Variants in AVEN observed in about 807,000 individuals in gnomAD.
AVEN encodes cell death regulator Aven.
AVEN carries 41 observed loss-of-function variants against 38.1 expected under a neutral mutation model. The ratio of observed to expected loss-of-function variants is 1.08; its 90% CI spans 0.84 to 1.40. The LOEUF (loss-of-function observed/expected upper bound fraction) is 1.40. Ranked by LOEUF, AVEN falls within the 40% of genes most tolerant of loss-of-function variation. The pLI is 0.00. For synonymous variants in AVEN, 206 were observed against 171.8 expected (o/e 1.20, Z -1.56); for missense variants, 605 against 438.8 (o/e 1.38, Z -3.38).
At chr15:33,998,693 A>C (rs1159028714) in intron 2 of AVEN, among the ~76,000 whole-genome samples, 1 of 152,176 alleles carries the variant, frequency 6.6e-6, no homozygotes, top group Non-Finnish European at 1.5e-5. Flanking sequence ...TTTAACAGTC[A>C]ATTCTTCATT....
At chr15:33,940,756 G>A (rs1894285931) in intron 2 of AVEN, among the ~76,000 whole-genome samples, 1 of 152,060 alleles carries the variant, frequency 6.6e-6, no homozygotes, top group Non-Finnish European at 1.5e-5. Flanking sequence ...TGGCCAGGCT[G>A]GTCTCAAACT....
At chr15:34,033,235 G>A (rs1055496375) in intron 1 of AVEN, among the ~76,000 whole-genome samples, 18 of 152,260 alleles carry the variant, frequency 1.2e-4, no homozygotes, top group Middle Eastern at 3.4e-3. Context: ...GCTGGGCGCG[G>A]TGGCTCATGT....
chr15:33,898,940 A>C (rs1490090985), intron 2 of AVEN, among the ~76,000 whole-genome samples: 1 of 152,216 alleles, frequency 6.6e-6, no homozygotes, highest in African/African-American at 2.4e-5. Context: ...ATAAAGGAGA[A>C]GAGTAGGACA....
intron 2 of AVEN, among the ~76,000 whole-genome samples, chr15:33,933,524 C>CACAG (rs1893945145): frequency 2.1e-5 from 1 of 46,648 alleles, no homozygotes; most frequent in Non-Finnish European, 4.5e-5. Context: ...CACACACACA[C>CACAG]AGAGAGAGAG....
intron 2 of AVEN, among the ~76,000 whole-genome samples, chr15:33,909,336 A>T (rs1329198684): frequency 1.3e-5 from 2 of 152,222 alleles, no homozygotes; most frequent in East Asian, 3.8e-4. Flanking sequence ...AAAAACAAAC[A>T]AACAAAAAAA....
intron 2 of AVEN, among the ~76,000 whole-genome samples, chr15:33,892,811 G>C (rs1204568254): frequency 6.6e-6 from 1 of 152,132 alleles, no homozygotes; most frequent in East Asian, 1.9e-4. Flanking sequence ...AATTACCTTG[G>C]GCAGTATGGC....
At chr15:33,865,320 C>CT, downstream of AVEN, 2 of 841,478 alleles carry the variant, frequency 2.4e-6, no homozygotes, top group South Asian at 1.8e-5. Flanking sequence ...TGAAATGTGA[C>CT]ATTTTCTAAA....
chr15:34,009,302 T>TCAAATCCACATGAAAAAAA (rs1157685751), intron 1 of AVEN, among the ~76,000 whole-genome samples: 1 of 152,164 alleles, frequency 6.6e-6, no homozygotes, highest in Non-Finnish European at 1.5e-5. Flanking sequence ...AAACAGCAAT[T>TCAAATCCACATGAAAAAAA]CAAATCCACA....
downstream of AVEN, chr15:33,861,312 T>C (rs533462120): frequency 1.1e-4 from 65 of 596,920 alleles, no homozygotes; most frequent in Admixed American, 1.4e-3. Flanking sequence ...GCCTGTACCT[T>C]TGTCCATAGA....
At chr15:33,865,905 T>TTTTTAGTAACAGCTGTCAGTCAAC (rs1334472225), downstream of AVEN, 4 of 152,720 alleles carry the variant, frequency 2.6e-5, no homozygotes, top group Admixed American at 6.5e-5. Context: ...CATACAAGTT[T>TTTTTAGTAACAGCTGTCAGTCAAC]TTTTAGTAAC....
chr15:33,911,837 C>CT (rs1892929672), intron 2 of AVEN, among the ~76,000 whole-genome samples: 1 of 152,208 alleles, frequency 6.6e-6, no homozygotes, highest in South Asian at 2.1e-4. Flanking sequence ...ATGACTTATA[C>CT]CGTTCCTTTG....
intron 2 of AVEN, among the ~76,000 whole-genome samples, chr15:33,978,471 C>G (rs1230009574): frequency 3.3e-5 from 5 of 152,122 alleles, no homozygotes; most frequent in Non-Finnish European, 7.4e-5. Flanking sequence ...CAAAACCAGC[C>G]TGATCAACAT....
At chr15:34,067,770 C>CAAAA (rs1402598538) in intron 2 of AVEN, among the ~76,000 whole-genome samples, 1 of 152,080 alleles carries the variant, frequency 6.6e-6, no homozygotes, top group Non-Finnish European at 1.5e-5. Flanking sequence ...GGAGACTGCA[C>CAAAA]AAAAAGGGGC....
chr15:34,009,295 C>G (rs764381557), intron 1 of AVEN, among the ~76,000 whole-genome samples: 5 of 152,106 alleles, frequency 3.3e-5, no homozygotes, highest in Non-Finnish European at 7.4e-5. Flanking sequence ...TGGTCCTAAA[C>G]AGCAATTCAA....
At chr15:34,043,079 C>T (rs1367721676), upstream of AVEN, among the ~76,000 whole-genome samples, 1 of 151,952 alleles carries the variant, frequency 6.6e-6, no homozygotes, top group Admixed American at 6.6e-5. Flanking sequence ...AACCCCGTCT[C>T]TACTGAAAAT....
At chr15:33,899,268 A>T (rs2153042635) in intron 2 of AVEN, among the ~76,000 whole-genome samples, 1 of 152,184 alleles carries the variant, frequency 6.6e-6, no homozygotes, top group African/African-American at 2.4e-5. Flanking sequence ...CCCAGGTAGC[A>T]ATTACTGATG....
chr15:33,857,987 A>T, downstream of AVEN: 3 of 1,590,518 alleles, frequency 1.9e-6, no homozygotes, highest in Middle Eastern at 1.9e-4. Flanking sequence ...CACTGGGAAG[A>T]AGGGCTGTGT....
At chr15:33,857,536 A>G (rs1031213457), downstream of AVEN, among the ~76,000 whole-genome samples, 1 of 151,972 alleles carries the variant, frequency 6.6e-6, no homozygotes, top group African/African-American at 2.4e-5. Context: ...AAGGGACACA[A>G]TTCAGCCCCC....
intron 5 of AVEN, among the ~76,000 whole-genome samples, chr15:34,047,470 G>A (rs898371279): frequency 1.3e-5 from 2 of 152,174 alleles, no homozygotes; most frequent in African/African-American, 4.8e-5. Flanking sequence ...CTGAAACCAG[G>A]GAGCCAAGCA....
Sources: gnomAD v4.1 joint callset for allele counts (sites outside exome capture counted in the v4.1 genomes callset) on GRCh38, gnomAD v4.1.1 for gene constraint, MANE v1.5 for transcripts, NCBI Gene and HGNC (gene_info 2026-07-23, HGNC 2026-07-21) for gene names.